The following ELL variants were observed in gnomAD, a reference collection of about 807,000 sequenced individuals.
ELL encodes the protein elongation factor for RNA polymerase II.
In ELL, 18 loss-of-function variants were observed where a neutral mutation model predicts 64.0. That is an observed-to-expected ratio of 0.28 (90% CI 0.19 to 0.42). The LOEUF (loss-of-function observed/expected upper bound fraction) is 0.42. ELL is among the 10% of genes least tolerant of loss of function. The pLI is 1.00. For missense variants in ELL, 797 were observed against 870.4 expected, an observed-to-expected ratio of 0.92 and a Z score of 1.06; for synonymous variants, 399 against 376.2, an observed-to-expected ratio of 1.06 and a Z score of -0.70.
Position 18,461,603 on chromosome 19 carries a change from T to C in ELL, c.719A>G (p.Asp240Gly). The C allele has an allele frequency of 6.2e-7, 1 of 1,605,566 alleles. No homozygotes were observed. Among genetic ancestry groups the C allele is most frequent in the Non-Finnish European group, 8.5e-7 (1 of 1,179,130 alleles). Residue 240 changes from aspartate to glycine, a missense_variant, in exon 5 of 12, where the codon GAC becomes GGC. Coordinates refer to ENST00000262809, the MANE Select transcript of ELL (RefSeq NM_006532.4). ...CTGCTGGAGGAGGCCATCCAGCGCG[T>C]CCTTGTCCGCCTGCGTCAGGCCGTC... ...QKDGLTQADK[D>G]ALDGLLQQVA...
chr19:18,458,404 G>C, intron 5 of ELL, 75 bp from the exon 6 acceptor site: 4 of 1,563,424 alleles, frequency 2.6e-6, no homozygotes, highest in Non-Finnish European at 3.5e-6. Context: ...AGATCTGATA[G>C]TGGGTTTGGG....
intron 1 of ELL, among the ~76,000 whole-genome samples, chr19:18,513,125 C>CA (rs1485130116): frequency 1.3e-5 from 2 of 152,162 alleles, no homozygotes; most frequent in African/African-American, 4.8e-5. Flanking sequence ...AGGAGCAAGC[C>CA]AAGCGGGGCT....
intron 1 of ELL, among the ~76,000 whole-genome samples, chr19:18,490,786 C>A (rs1025911573): frequency 2.0e-5 from 3 of 152,220 alleles, no homozygotes; most frequent in Admixed American, 6.5e-5. Context: ...CAGGTACCCA[C>A]TGCACACCCG....
In ELL at chr19:18,444,693, C is replaced by T. The variant is rs916428557; in HGVS notation, c.*59G>A. ...TCGGGTTTATTTTTTTAAATAAATCCTCTCTCACCGCCTTTTGCTCCCCCG... is the reference window on the plus strand; with the variant it reads ...TCGGGTTTATTTTTTTAAATAAATCTTCTCTCACCGCCTTTTGCTCCCCCG... On this transcript the variant is annotated 3_prime_UTR_variant, in exon 12 of 12. Coordinates refer to ENST00000262809, the MANE Select transcript of ELL (RefSeq NM_006532.4). 1 of 1,484,586 alleles carries T rather than the reference C, an allele frequency of 6.7e-7. No homozygotes were observed. Among genetic ancestry groups the T allele is most frequent in the Admixed American group, 2.1e-5 (1 of 48,592 alleles). 92.0% of individuals were successfully genotyped at this position (1,484,586 alleles called of 1,614,324 possible).
At chr19:18,486,594 C>T (rs1006597480) in intron 1 of ELL, among the ~76,000 whole-genome samples, 16 of 152,210 alleles carry the variant, frequency 1.1e-4, no homozygotes, top group Admixed American at 5.2e-4. Flanking sequence ...GCAGAAACCA[C>T]GCCCTTTCAC....
rs144861803 is a variant in ELL at position 18,467,488 on chromosome 19, A to G, written c.184-1570T>C. 2.3e-3 allele frequency among the ~76,000 whole-genome samples: 351 copies of G among 152,106 alleles called. 1 individual carries two copies. Among genetic ancestry groups the G allele is most frequent in the Non-Finnish European group, 4.0e-3 (269 of 67,958 alleles). On this transcript the variant is annotated intron_variant, in intron 2 of 11. Transcript: ENST00000262809. ...TTGTGGGCCCACCATGCCAGGCCAC[A>G]CCTGAACACAAACACACATCTCTAT... is the stretch of plus-strand genomic sequence containing the variant.
intron 1 of ELL, among the ~76,000 whole-genome samples, chr19:18,509,579 ACGTGCGCGCGCGCG>A (rs1600503084): frequency 7.5e-6 from 1 of 132,496 alleles, no homozygotes; most frequent in Non-Finnish European, 1.6e-5. Flanking sequence ...AGGCCAATGC[ACGTGCGCGCGCGCG>A]CACATACACA....
intron 1 of ELL, among the ~76,000 whole-genome samples, chr19:18,496,527 C>CTT (rs35231179): frequency 1.3e-5 from 2 of 148,918 alleles, no homozygotes; most frequent in Non-Finnish European, 3.0e-5. Flanking sequence ...CAGGTAACAA[C>CTT]TTTTTTTTTT....
intron 2 of ELL, among the ~76,000 whole-genome samples, chr19:18,471,860 C>T (rs1975071498): frequency 6.6e-6 from 1 of 152,154 alleles, no homozygotes; most frequent in Non-Finnish European, 1.5e-5. Context: ...AACCTCTCTC[C>T]CAACCAAAAT....
chr19:18,493,265 G>A (rs1324288565), intron 1 of ELL, among the ~76,000 whole-genome samples: 1 of 152,352 alleles, frequency 6.6e-6, no homozygotes, highest in South Asian at 2.1e-4. Context: ...AAGAAGGGCC[G>A]CTGTCACCAC....
chr19:18,520,986 C>A (rs1976255753), intron 1 of ELL, among the ~76,000 whole-genome samples: 1 of 151,544 alleles, frequency 6.6e-6, no homozygotes. Context: ...CCCAGATGCG[C>A]CCCAAAGTCA....
chr19:18,501,529 G>A lies in ELL; in HGVS notation c.135+20392C>T, dbSNP rs966484522. Reference sequence around the variant, plus strand: ...GGAGTGAGGGGCCACTGGCAGAAGGGAGCAAGACACTGGTCCACGGCACAG... The same window carrying A: ...GGAGTGAGGGGCCACTGGCAGAAGGAAGCAAGACACTGGTCCACGGCACAG... On this transcript the variant is annotated intron_variant, in intron 1 of 11. Transcript: ENST00000262809. The surrounding 1 kb of genome is among the most constrained non-coding windows in gnomAD (Gnocchi z 4.5). 4.6e-5 allele frequency among the ~76,000 whole-genome samples: 7 copies of A among 152,290 alleles called. No homozygotes were observed. The highest frequency in any genetic ancestry group is 9.6e-5 in the African/African-American group (4 of 41,560).
intron 1 of ELL, among the ~76,000 whole-genome samples, chr19:18,476,227 G>A (rs922538900): frequency 1.3e-5 from 2 of 152,220 alleles, no homozygotes; most frequent in Non-Finnish European, 2.9e-5. Context: ...CTCTCGCGGT[G>A]CAAACCTCTG....
At chr19:18,502,844 G>A (rs1025397381) in intron 1 of ELL, among the ~76,000 whole-genome samples, 1 of 152,222 alleles carries the variant, frequency 6.6e-6, no homozygotes, top group Non-Finnish European at 1.5e-5. Context: ...CATCAATGCG[G>A]AATCCAAAAG....
intron 1 of ELL, among the ~76,000 whole-genome samples, chr19:18,513,162 G>A (rs1976063260): frequency 6.6e-6 from 1 of 152,126 alleles, no homozygotes; most frequent in South Asian, 2.1e-4. Context: ...CCTCAAAATC[G>A]CAGCCTCATA....
At chr19:18,517,886 CA>C (rs35771773) in intron 1 of ELL, among the ~76,000 whole-genome samples, 234 of 84,552 alleles carry the variant, frequency 2.8e-3, no homozygotes, top group Admixed American at 4.0e-3. Context: ...GACCTTGTCT[CA>C]AAAAAAAAAA....
chr19:18,486,512 C>T (rs1236138548), intron 1 of ELL, among the ~76,000 whole-genome samples: 1 of 152,138 alleles, frequency 6.6e-6, no homozygotes, highest in Admixed American at 6.5e-5. Flanking sequence ...CGGTGGTCGG[C>T]CACACTCACC....
chr19:18,493,853 GCACA>G (rs2144957059), intron 1 of ELL, among the ~76,000 whole-genome samples: 1 of 152,330 alleles, frequency 6.6e-6, no homozygotes, highest in Admixed American at 6.5e-5. Flanking sequence ...TCTCTTGTCT[GCACA>G]CACAGATGTC....
rs566474553 is a variant in ELL at position 18,450,770 on chromosome 19, G to A, written c.1172C>T (p.Pro391Leu). The change falls in exon 8 of 12, where the codon CCG (proline) becomes CTG (leucine). Residue 391 changes from proline (P) to leucine (L), a missense_variant. Coordinates refer to ENST00000262809, the MANE Select transcript of ELL (RefSeq NM_006532.4). ...STHLPPRLEP[P>L]RAHDPLADVS... Reference sequence around the variant, plus strand: ...ATCGGCCAGGGGGTCGTGGGCCCTCGGGGGCTCCAGCCGCGGGGGCAGGTG... The same window carrying A: ...ATCGGCCAGGGGGTCGTGGGCCCTCAGGGGCTCCAGCCGCGGGGGCAGGTG... The A allele has an allele frequency of 1.6e-5, 25 of 1,578,654 alleles. No individual in the cohort carries two copies. Among genetic ancestry groups the A allele is most frequent in the South Asian group, 1.5e-4 (13 of 87,514 alleles).
Sources: gnomAD v4.1 joint callset for allele counts (sites outside exome capture counted in the v4.1 genomes callset) on GRCh38, gnomAD v4.1.1 for gene constraint, Gnocchi (gnomAD v3.1) non-coding constraint, MANE v1.5 for transcripts, NCBI Gene and HGNC (gene_info 2026-07-23, HGNC 2026-07-21) for gene names.